DAB2: variants seen among roughly 807,000 people sequenced by gnomAD.
DAB2 encodes DAB adaptor protein 2, also known as disabled homolog 2.
In DAB2, 28 loss-of-function variants were observed where a neutral mutation model predicts 71.6. The ratio of observed to expected loss-of-function variants is 0.39; its 90% CI spans 0.29 to 0.54. The LOEUF is 0.54. DAB2 is among the 20% of genes least tolerant of loss of function. The pLI is 0.68. For synonymous variants in DAB2, 345 were observed against 339.7 expected (o/e 1.02, Z -0.17); for missense variants, 867 against 928.8 (o/e 0.93, Z 0.86).
intron 1 of DAB2, chr5:39,423,920 G>A (rs569327422): frequency 1.3e-5 from 2 of 152,244 alleles, no homozygotes; most frequent in South Asian, 2.1e-4. Context: ...GGGAAAAGGT[G>A]GGGGGTGGTT....
intron 1 of DAB2, among the ~76,000 whole-genome samples, chr5:39,407,850 T>C (rs1755641768): frequency 6.6e-6 from 1 of 152,228 alleles, no homozygotes; most frequent in African/African-American, 2.4e-5. Flanking sequence ...CATTAAGCTA[T>C]AAATGAAGGG....
intron 1 of DAB2, among the ~76,000 whole-genome samples, chr5:39,408,023 A>C (rs1436989885): frequency 6.6e-6 from 1 of 152,180 alleles, no homozygotes; most frequent in Non-Finnish European, 1.5e-5. Context: ...TAAAATCCCA[A>C]TGTGGTTTCC....
chr5:39,390,640 C>T (rs1285522633), intron 4 of DAB2, 65 bp from the exon 5 acceptor site: 18 of 1,300,008 alleles, frequency 1.4e-5, no homozygotes, highest in South Asian at 8.1e-5. Context: ...GCTAGCACAC[C>T]GAAGCCTCAG....
At chr5:39,376,209 AT>A in intron 12 of DAB2, 103 bp from the exon 13 acceptor site, 1 of 847,096 alleles carries the variant, frequency 1.2e-6, no homozygotes, top group Non-Finnish European at 1.9e-6. Context: ...TACTTTTGAA[AT>A]TTACATCAGT....
intron 1 of DAB2, among the ~76,000 whole-genome samples, chr5:39,397,323 T>TCAG (rs1755389936): frequency 6.6e-6 from 1 of 152,172 alleles, no homozygotes; most frequent in Non-Finnish European, 1.5e-5. Flanking sequence ...CAGTACTCCC[T>TCAG]TCTCAGAGGC....
intron 11 of DAB2, 120 bp downstream of exon 11, chr5:39,381,334 C>T: frequency 9.8e-7 from 1 of 1,023,786 alleles, no homozygotes; most frequent in African/African-American, 1.6e-5. Context: ...GAAGGGCTCC[C>T]TGGGATGCTC....
chr5:39,401,564 T>C (rs1295804118), intron 1 of DAB2, among the ~76,000 whole-genome samples: 1 of 152,124 alleles, frequency 6.6e-6, no homozygotes, highest in Non-Finnish European at 1.5e-5. Context: ...TTATCTAATG[T>C]TCATTTCTTC....
intron 9 of DAB2, among the ~76,000 whole-genome samples, chr5:39,386,443 A>T (rs1022381828): frequency 6.6e-5 from 10 of 152,214 alleles, no homozygotes; most frequent in Non-Finnish European, 1.0e-4. Context: ...TCTATTTTTG[A>T]CCTATGACTA....
At chr5:39,379,752 C>T (rs1235767576) in intron 11 of DAB2, among the ~76,000 whole-genome samples, 1 of 151,582 alleles carries the variant, frequency 6.6e-6, no homozygotes, top group Non-Finnish European at 1.5e-5. Context: ...GGAGACAGTC[C>T]CCCAGCTGGG....
At chr5:39,409,145 C>T (rs77899904) in intron 1 of DAB2, among the ~76,000 whole-genome samples, 2 of 150,262 alleles carry the variant, frequency 1.3e-5, no homozygotes, top group East Asian at 3.9e-4. Context: ...AAAAAAAAAA[C>T]TCTAAAAAGC....
At chr5:39,407,250 C>T (rs1323177101) in intron 1 of DAB2, among the ~76,000 whole-genome samples, 2 of 152,180 alleles carry the variant, frequency 1.3e-5, no homozygotes, top group South Asian at 2.1e-4. Context: ...GACGGAGTCT[C>T]GCTCTGTTGC....
chr5:39,393,135 T>A (rs567356782), intron 3 of DAB2, 119 bp downstream of exon 3: 2 of 1,008,852 alleles, frequency 2.0e-6, no homozygotes, highest in East Asian at 2.4e-5. Context: ...TACTGATGGA[T>A]AATGTGATTA....
intron 2 of DAB2, 74 bp downstream of exon 2, chr5:39,394,156 T>C: frequency 8.1e-7 from 1 of 1,227,518 alleles, no homozygotes; most frequent in Non-Finnish European, 1.2e-6. Context: ...CCTTACTTTA[T>C]TCTGAATCTC....
intron 5 of DAB2, among the ~76,000 whole-genome samples, 167 bp from the exon 6 acceptor site, chr5:39,390,099 G>C (rs1030261875): frequency 2.0e-5 from 3 of 151,694 alleles, no homozygotes; most frequent in African/African-American, 7.3e-5. Flanking sequence ...CTCACCCTTA[G>C]GTATATAAAA....
At chr5:39,416,322 C>T (rs1396447323) in intron 1 of DAB2, among the ~76,000 whole-genome samples, 2 of 152,100 alleles carry the variant, frequency 1.3e-5, no homozygotes, top group Non-Finnish European at 2.9e-5. Context: ...CAAAGGGCTT[C>T]AGTGAGAATC....
intron 2 of DAB2, 151 bp from the exon 3 acceptor site, chr5:39,393,544 C>T: frequency 1.2e-6 from 1 of 802,636 alleles, no homozygotes; most frequent in South Asian, 2.1e-5. Context: ...TTCTTACTTC[C>T]TTTGAGCAAA....
Position 39,382,846 on chromosome 5 carries a change from G to C in DAB2, c.1113C>G (p.Thr371=), listed in dbSNP as rs746109866. 7.4e-6 allele frequency: 12 copies of C among 1,613,918 alleles called. No individual in the cohort carries two copies. The African/African-American group carries it at 1.6e-4, about 22-fold the overall frequency. Residue 371 remains threonine (T), a synonymous_variant, in exon 10 of 15, where the codon ACC becomes ACG. Coordinates refer to ENST00000320816, the MANE Select transcript of DAB2 (RefSeq NM_001343.4). Reference sequence around the variant, plus strand: ...CATTTTGAGTTCTCACTGCTGGCTGGGTTTGCGAACTTGAAAAGGGCCATG... The same window carrying C: ...CATTTTGAGTTCTCACTGCTGGCTGCGTTTGCGAACTTGAAAAGGGCCATG... ...AGPWPFSSSQ[T]QPAVRTQNGV... is the part of the protein sequence containing the mutation.
rs766009192 is a variant in DAB2 at position 39,376,791 on chromosome 5, C to T, written c.1996G>A (p.Val666Met). 3 of 1,614,134 alleles carry T rather than the reference C, an allele frequency of 1.9e-6. No homozygotes were observed. The highest frequency in any genetic ancestry group is 2.5e-6 in the Non-Finnish European group (3 of 1,180,020). ...KDFQLRQPPAVPARKGEQTSS... is the reference protein window; with the variant it reads ...KDFQLRQPPAMPARKGEQTSS... ...GTCTGCTCTCCCTTCCGCGCGGGCA[C>T]AGCAGGTGGCTGCCGCAGTTGGAAA... The change falls in exon 12 of 15, where the codon GTG (valine) becomes ATG (methionine). Residue 666 changes from valine (V) to methionine (M), a missense_variant. Around this residue, in one of 2 missense-constraint regions of DAB2, gnomAD observed 740 missense variants for 734.3 expected, o/e 1.01. Transcript: ENST00000320816.
rs1754985304 is a variant in DAB2, at chr5:39,381,734, C to T, written c.1342-118G>A. On this transcript the variant is annotated intron_variant, in intron 10 of 14. Coordinates refer to ENST00000320816, the MANE Select transcript of DAB2 (RefSeq NM_001343.4). ...GAGCCACAAAAAGGAAAACTTTTTT[C>T]TTGACAGATGAACAACAACAACTAC... 4 of 1,043,340 alleles carry T rather than the reference C, an allele frequency of 3.8e-6. No homozygotes were observed. The East Asian group carries it at 9.8e-5, about 26-fold the overall frequency. The allele number at this position is 1,043,340 out of a possible 1,614,324, so 64.6% of individuals were successfully genotyped here.
Sources: allele counts gnomAD v4.1 joint callset (sites outside exome capture counted in the v4.1 genomes callset), GRCh38; gene constraint gnomAD v4.1.1; regional missense constraint gnomAD v4.1.1; transcripts MANE v1.5; gene names NCBI Gene and HGNC (gene_info 2026-07-23, HGNC 2026-07-21).